NWD2: variants seen among roughly 807,000 people sequenced by gnomAD.
NWD2 encodes NACHT and WD repeat domain-containing protein 2.
Under a neutral mutation model 132.7 loss-of-function variants are expected in NWD2, and 37 were observed. The ratio of observed to expected loss-of-function variants is 0.28; its 90% CI spans 0.21 to 0.37. The LOEUF (loss-of-function observed/expected upper bound fraction) is 0.37. NWD2 is among the 10% of genes least tolerant of loss of function. The pLI is 1.00. For synonymous variants in NWD2, 705 were observed against 803.0 expected, an observed-to-expected ratio of 0.88 and a Z score of 2.06; for missense variants, 1,592 against 2,122.4, an observed-to-expected ratio of 0.75 and a Z score of 4.91.
intron 3 of NWD2, among the ~76,000 whole-genome samples, chr4:37,428,680 G>A (rs758840669): frequency 3.3e-5 from 5 of 152,206 alleles, no homozygotes; most frequent in Non-Finnish European, 7.3e-5. Flanking sequence ...ACTGGCGTAA[G>A]CAGACACTCT....
intron 5 of NWD2, 50 bp from the exon 6 acceptor site, chr4:37,438,751 T>C (rs1271244441): frequency 9.6e-6 from 12 of 1,248,412 alleles, no homozygotes; most frequent in Non-Finnish European, 1.3e-5. Flanking sequence ...AATGTGGGTG[T>C]GTTGCTCCTT....
intron 3 of NWD2, among the ~76,000 whole-genome samples, chr4:37,368,504 T>A (rs1444806831): frequency 6.6e-6 from 1 of 152,184 alleles, no homozygotes; most frequent in Non-Finnish European, 1.5e-5. Flanking sequence ...AAGCACCCAC[T>A]TAAACAGAAA....
chr4:37,415,702 T>TA (rs10684720), intron 3 of NWD2, among the ~76,000 whole-genome samples: 19,669 of 118,286 alleles, frequency 0.17, 1,919 homozygotes, highest in Admixed American at 0.21. Flanking sequence ...AGACTCCGTC[T>TA]AAAAAAAAAA....
intron 2 of NWD2, among the ~76,000 whole-genome samples, chr4:37,329,883 G>A (rs1719256438): frequency 1.3e-5 from 2 of 152,030 alleles, no homozygotes; most frequent in African/African-American, 2.4e-5. Flanking sequence ...ATAATGAAAC[G>A]TCATCTGGTT....
intron 3 of NWD2, among the ~76,000 whole-genome samples, chr4:37,359,533 C>G (rs1395848197): frequency 6.6e-6 from 1 of 151,904 alleles, no homozygotes; most frequent in Non-Finnish European, 1.5e-5. Flanking sequence ...CTGTGGGATG[C>G]AGAGCTTAAC....
intron 2 of NWD2, among the ~76,000 whole-genome samples, chr4:37,342,690 G>A (rs569194377): frequency 1.3e-5 from 2 of 152,268 alleles, no homozygotes; most frequent in South Asian, 2.1e-4. Context: ...TAGAGGTCCT[G>A]CCTTGGTTCA....
At chr4:37,297,755 T>C (rs1461658481) in intron 1 of NWD2, among the ~76,000 whole-genome samples, 1 of 152,208 alleles carries the variant, frequency 6.6e-6, no homozygotes, top group Admixed American at 6.5e-5. Flanking sequence ...TGTGCTTTGA[T>C]GTTTGTTTAT....
chr4:37,333,999 A>G (rs1347220581), intron 2 of NWD2, among the ~76,000 whole-genome samples: 1 of 152,112 alleles, frequency 6.6e-6, no homozygotes, highest in African/African-American at 2.4e-5. Flanking sequence ...ACTTGAAGAC[A>G]GGCTATTTGA....
chr4:37,352,859 G>A (rs1443643557), intron 2 of NWD2, among the ~76,000 whole-genome samples: 1 of 152,092 alleles, frequency 6.6e-6, no homozygotes, highest in Non-Finnish European at 1.5e-5. Flanking sequence ...TTGTATTTAA[G>A]GTTAATATTG....
intron 2 of NWD2, among the ~76,000 whole-genome samples, chr4:37,352,859 G>T (rs1443643557): frequency 6.6e-6 from 1 of 152,092 alleles, no homozygotes; most frequent in East Asian, 1.9e-4. Flanking sequence ...TTGTATTTAA[G>T]GTTAATATTG....
intron 3 of NWD2, among the ~76,000 whole-genome samples, chr4:37,392,383 C>G (rs1317539860): frequency 1.3e-5 from 2 of 152,106 alleles, no homozygotes; most frequent in East Asian, 3.9e-4. Context: ...CCGGGTTTCC[C>G]AGCCTCAGCT....
intron 1 of NWD2, among the ~76,000 whole-genome samples, chr4:37,292,028 C>G (rs1027799464): frequency 1.3e-5 from 2 of 151,820 alleles, no homozygotes; most frequent in Admixed American, 6.6e-5. Context: ...AACAGGGCCA[C>G]ACATCATTAA....
chr4:37,329,307 GA>G (rs1719240175), intron 2 of NWD2, among the ~76,000 whole-genome samples: 1 of 152,202 alleles, frequency 6.6e-6, no homozygotes, highest in Admixed American at 6.6e-5. Flanking sequence ...ATTGTTAGGA[GA>G]GGCAGACAGT....
intron 1 of NWD2, among the ~76,000 whole-genome samples, chr4:37,296,019 G>A (rs1210356733): frequency 6.6e-6 from 1 of 152,170 alleles, no homozygotes; most frequent in Non-Finnish European, 1.5e-5. Context: ...TGAGTCCCCT[G>A]ACATGCACAC....
At chr4:37,343,535 A>G (rs1719572271) in intron 2 of NWD2, among the ~76,000 whole-genome samples, 2 of 152,226 alleles carry the variant, frequency 1.3e-5, no homozygotes. Flanking sequence ...TTTTGTGTAC[A>G]ATAATTGGAA....
intron 3 of NWD2, among the ~76,000 whole-genome samples, chr4:37,430,207 C>T (rs906651778): frequency 6.6e-6 from 1 of 152,144 alleles, no homozygotes; most frequent in East Asian, 1.9e-4. Flanking sequence ...TGAGGCTTTA[C>T]ATGTTTGACA....
intron 3 of NWD2, among the ~76,000 whole-genome samples, chr4:37,425,938 C>A (rs1343949283): frequency 6.6e-6 from 1 of 152,180 alleles, no homozygotes. Flanking sequence ...ACAGTGGAAT[C>A]CATCTTGCTG....
At chr4:37,312,687 A>G (rs1262111226) in intron 1 of NWD2, among the ~76,000 whole-genome samples, 1 of 150,828 alleles carries the variant, frequency 6.6e-6, no homozygotes, top group Non-Finnish European at 1.5e-5. Flanking sequence ...GTGGTGAGAG[A>G]GGGCATCCCT....
intron 3 of NWD2, among the ~76,000 whole-genome samples, chr4:37,387,867 T>C (rs925584619): frequency 6.6e-6 from 1 of 151,536 alleles, no homozygotes; most frequent in African/African-American, 2.4e-5. Flanking sequence ...ACAGATAGGG[T>C]TTCACCATGT....
Sources: gnomAD v4.1 joint callset for allele counts (sites outside exome capture counted in the v4.1 genomes callset) on GRCh38, gnomAD v4.1.1 for gene constraint, MANE v1.5 for transcripts, NCBI Gene and HGNC (gene_info 2026-07-23, HGNC 2026-07-21) for gene names.